Variants in MAP3K9 observed in about 807,000 individuals in gnomAD.
MAP3K9 encodes mixed lineage kinase 1 (tyr and ser/thr specificity).
A neutral mutation model predicts 95.8 loss-of-function variants in MAP3K9; 46 were observed. That is an observed-to-expected ratio of 0.48 (90% CI 0.38 to 0.61). The LOEUF is 0.61. MAP3K9 is among the 20% of genes least tolerant of loss of function. The pLI is 0.00. For synonymous variants in MAP3K9, 533 were observed against 593.8 expected (o/e 0.90, Z 1.49); for missense variants, 1,296 against 1,474.3 (o/e 0.88, Z 1.98).
At chr14:70,793,256 AG>A (rs2054825962) in intron 2 of MAP3K9, among the ~76,000 whole-genome samples, 3 of 152,198 alleles carry the variant, frequency 2.0e-5, no homozygotes, top group African/African-American at 7.2e-5. Flanking sequence ...AAGTGTGAAG[AG>A]GGGAGGAGGC....
At position 70,728,907 on chromosome 14, in the gene MAP3K9, A is replaced by G. The variant is rs1243543119; in HGVS notation, c.*1473T>C. On this transcript the variant is annotated 3_prime_UTR_variant, in exon 12 of 12. Transcript: ENST00000554752. ...GAATGACCTTGAGACTCTACTCCCA[A>G]TCAAGTCGTCATTCCCACATAAAGA... 6.6e-6 allele frequency: 1 copy of G among 152,224 alleles called. No individual in the cohort carries two copies. Among genetic ancestry groups the G allele is most frequent in the Non-Finnish European group, 1.5e-5 (1 of 68,062 alleles). 9.4% of individuals were successfully genotyped at this position (152,224 alleles called of 1,614,324 possible). A position where few individuals can be genotyped will look rare whatever the true frequency, so the allele number is the denominator to read the frequency against.
chr14:70,772,547 T>C (rs1346030366), intron 2 of MAP3K9, among the ~76,000 whole-genome samples: 1 of 152,190 alleles, frequency 6.6e-6, no homozygotes, highest in African/African-American at 2.4e-5. Context: ...CCAAAAGGTG[T>C]CTGCTTAAAT....
At chr14:70,744,362 T>TA (rs200094989) in intron 5 of MAP3K9, among the ~76,000 whole-genome samples, 8 of 150,422 alleles carry the variant, frequency 5.3e-5, no homozygotes, top group Admixed American at 2.0e-4. Context: ...ATAGTAAAAA[T>TA]AAAAAAAAAG....
chr14:70,742,337 C>T lies in MAP3K9; in HGVS notation c.1567+14G>A. On this transcript the variant is annotated intron_variant, in intron 6 of 11. Transcript: ENST00000554752. The stretch of plus-strand genomic sequence containing the variant: ...GCCCTGCTCCCACTTCCCAGCCAGT[C>T]CCCGGCCACTGACCAGAAGGGAGGC... The T allele has an allele frequency of 6.2e-7, 1 of 1,611,288 alleles. No homozygotes were observed.
Position 70,732,830 on chromosome 14 carries a change from G to A in MAP3K9, c.2539C>T (p.Arg847Cys), listed in dbSNP as rs140360648. The A allele has an allele frequency of 8.7e-6, 14 of 1,614,082 alleles. No homozygotes were observed. The highest frequency in any genetic ancestry group is 5.0e-5 in the Admixed American group (3 of 60,014). Reference sequence around the variant, plus strand: ...TCGCTGTCGGAGCGCAGCAGGGAGCGTGTGGAGTTGCACTCGGAGATGGAG... The same window carrying A: ...TCGCTGTCGGAGCGCAGCAGGGAGCATGTGGAGTTGCACTCGGAGATGGAG... ...LSSISECNST[R>C]SLLRSDSDEI... Residue 847 changes from arginine (R) to cysteine (C), a missense_variant, in exon 11 of 12, where the codon CGC (arginine) becomes TGC (cysteine). Physicochemically the swap from Arg to Cys is radical, Grantham distance 180. Around this residue, in one of 5 missense-constraint regions of MAP3K9, gnomAD observed 433 missense variants for 441.4 expected, o/e 0.98. Transcript: ENST00000554752.
Position 70,730,348 on chromosome 14 carries a change from T to G in MAP3K9, c.*32A>C, listed in dbSNP as rs1297542114. ...GCCAGCTCCCCTCATCTCCGCTGGCTGTCCCCCTTGCCCGCCCCAATCCTT... is the reference window on the plus strand; with the variant it reads ...GCCAGCTCCCCTCATCTCCGCTGGCGGTCCCCCTTGCCCGCCCCAATCCTT... On this transcript the variant is annotated 3_prime_UTR_variant, in exon 12 of 12. Transcript: ENST00000554752. 1 of 1,580,888 alleles carries G rather than the reference T, an allele frequency of 6.3e-7. No homozygotes were observed. The highest frequency in any genetic ancestry group is 2.3e-5 in the East Asian group (1 of 44,286).
intron 1 of MAP3K9, among the ~76,000 whole-genome samples, chr14:70,805,773 A>G (rs1025696446): frequency 2.6e-5 from 4 of 152,116 alleles, no homozygotes; most frequent in African/African-American, 9.7e-5. Flanking sequence ...GTAAATAAAA[A>G]TAATTGGCTG....
At chr14:70,793,094 G>A (rs925658225) in intron 2 of MAP3K9, among the ~76,000 whole-genome samples, 1 of 152,190 alleles carries the variant, frequency 6.6e-6, no homozygotes, top group Non-Finnish European at 1.5e-5. Context: ...TCCCCAAGTT[G>A]GGAACAAAGG....
At chr14:70,735,875 A>T in intron 9 of MAP3K9, 86 bp downstream of exon 9, 1 of 1,080,750 alleles carries the variant, frequency 9.3e-7, no homozygotes, top group South Asian at 1.3e-5. Context: ...ACGAGGCTTG[A>T]TTCTATGGGG....
intron 2 of MAP3K9, among the ~76,000 whole-genome samples, chr14:70,781,674 T>C (rs4902854): frequency 0.56 from 85,838 of 152,096 alleles, 24,957 homozygotes; most frequent in East Asian, 0.67. Flanking sequence ...TTTACACACA[T>C]AACTTCATTT....
At chr14:70,780,692 G>C (rs2054663509) in intron 2 of MAP3K9, among the ~76,000 whole-genome samples, 1 of 152,154 alleles carries the variant, frequency 6.6e-6, no homozygotes, top group Admixed American at 6.5e-5. Flanking sequence ...GAAAGCCAGA[G>C]GCTTTTGTGC....
chr14:70,776,289 A>G (rs1017253118), intron 2 of MAP3K9, among the ~76,000 whole-genome samples: 3 of 152,246 alleles, frequency 2.0e-5, no homozygotes, highest in African/African-American at 7.2e-5. Context: ...GCTTACCGGC[A>G]GGCAGCATCT....
chr14:70,764,228 T>C (rs2054417490), intron 2 of MAP3K9, among the ~76,000 whole-genome samples: 1 of 134,564 alleles, frequency 7.4e-6, no homozygotes, highest in Admixed American at 7.5e-5. Context: ...TAAAACGGCA[T>C]CAGGCAGGTT....
intron 2 of MAP3K9, among the ~76,000 whole-genome samples, chr14:70,798,478 T>G (rs908945713): frequency 3.1e-5 from 4 of 130,392 alleles, no homozygotes; most frequent in East Asian, 4.1e-4. Flanking sequence ...AAAGTTTTTT[T>G]TTTTTTTTTT....
chr14:70,731,975 G>A (rs1418308426), intron 11 of MAP3K9, among the ~76,000 whole-genome samples: 3 of 151,778 alleles, frequency 2.0e-5, no homozygotes, highest in East Asian at 3.9e-4. Context: ...TCATATGCAC[G>A]GGGATAGCAA....
chr14:70,738,218 A>G, intron 8 of MAP3K9, 27 bp downstream of exon 8: 1 of 1,582,448 alleles, frequency 6.3e-7, no homozygotes, highest in African/African-American at 1.4e-5. Context: ...TCAAGAGAGA[A>G]AGAATTTCAT....
At chr14:70,795,199 T>C (rs2054851253) in intron 2 of MAP3K9, among the ~76,000 whole-genome samples, 1 of 152,080 alleles carries the variant, frequency 6.6e-6, no homozygotes, top group South Asian at 2.1e-4. Context: ...GGTTTCACTA[T>C]GATGGCCAGG....
At chr14:70,735,918 T>C (rs771584498) in intron 9 of MAP3K9, 43 bp downstream of exon 9, 2 of 1,390,556 alleles carry the variant, frequency 1.4e-6, no homozygotes, top group South Asian at 1.2e-5. Flanking sequence ...GGAAGGGAGA[T>C]TGTTACCAGG....
At chr14:70,801,480 G>A (rs1484418438) in intron 1 of MAP3K9, among the ~76,000 whole-genome samples, 1 of 152,130 alleles carries the variant, frequency 6.6e-6, no homozygotes, top group Non-Finnish European at 1.5e-5. Context: ...TTGAATGCCT[G>A]AGCTCAAGCA....
Sources: allele counts gnomAD v4.1 joint callset (sites outside exome capture counted in the v4.1 genomes callset), GRCh38; gene constraint gnomAD v4.1.1; regional missense constraint gnomAD v4.1.1; transcripts MANE v1.5; gene names NCBI Gene and HGNC (gene_info 2026-07-23, HGNC 2026-07-21).